SMPD3: variants seen among roughly 807,000 people sequenced by gnomAD.
SMPD3 encodes the protein sphingomyelin phosphodiesterase 3.
In SMPD3, 21 loss-of-function variants were observed where a neutral mutation model predicts 55.7. That is an observed-to-expected ratio of 0.38 (90% CI 0.27 to 0.54). SMPD3 has a LOEUF of 0.54. Ranked by LOEUF, SMPD3 falls within the 20% of genes least tolerant of loss-of-function variation. The pLI, the probability that SMPD3 is intolerant of heterozygous loss-of-function variation, is 0.80. For missense variants in SMPD3, 842 were observed against 899.6 expected (o/e 0.94, Z 0.82); for synonymous variants, 457 against 404.3 (o/e 1.13, Z -1.56).
chr16:68,415,471 G>A (rs533986735), intron 1 of SMPD3, among the ~76,000 whole-genome samples: 22 of 152,292 alleles, frequency 1.4e-4, no homozygotes, highest in Non-Finnish European at 2.9e-4. Flanking sequence ...CAGATGGTTT[G>A]TTTTCCTGGA....
chr16:68,445,116 G>GT (rs1329901269), intron 1 of SMPD3, among the ~76,000 whole-genome samples: 1 of 152,196 alleles, frequency 6.6e-6, no homozygotes, highest in East Asian at 1.9e-4. Flanking sequence ...CTGGAAAGCC[G>GT]TATTTGCAGC....
chr16:68,410,934 C>T (rs1452061362), intron 1 of SMPD3, among the ~76,000 whole-genome samples: 1 of 152,250 alleles, frequency 6.6e-6, no homozygotes, highest in African/African-American at 2.4e-5. Flanking sequence ...GGTCAGGAAT[C>T]ACTCAGACTT....
Position 68,361,166 on chromosome 16 carries a change from A to T in SMPD3, c.*40T>A. 2 of 1,579,222 alleles carry T rather than the reference A, an allele frequency of 1.3e-6. No individual in the cohort carries two copies. The highest frequency in any genetic ancestry group is 1.7e-6 in the Non-Finnish European group (2 of 1,152,818). On this transcript the variant is annotated 3_prime_UTR_variant, in exon 9 of 9. Coordinates refer to ENST00000219334, the MANE Select transcript of SMPD3 (RefSeq NM_018667.4). ...GGGACATGGCCCAGGGATGGGCTGC[A>T]GCTGCAAGGGCTGGCAGAGGCCCCG...
At position 68,363,510 on chromosome 16, in the gene SMPD3, G is replaced by A. The variant is rs763060796; in HGVS notation, c.1695C>T (p.Pro565=). 1.8e-5 allele frequency: 29 copies of A among 1,613,884 alleles called. No homozygotes were observed. Among genetic ancestry groups the A allele is most frequent in the Non-Finnish European group, 2.3e-5 (27 of 1,180,008 alleles). The change falls in exon 7 of 9, where the codon CCC becomes CCT. Residue 565 remains proline (P), a synonymous_variant. Transcript: ENST00000219334. ...GCAGTGCTTACTTCTGCAGGTTGTC[G>A]GGGGTGCACACATCCTCATCGTACA... is the stretch of plus-strand genomic sequence containing the variant. ...NGLYDEDVCT[P]DNLQKVLESE...
chr16:68,380,853 G>A (rs945856871), intron 2 of SMPD3, among the ~76,000 whole-genome samples: 2 of 152,232 alleles, frequency 1.3e-5, no homozygotes, highest in Non-Finnish European at 2.9e-5. Context: ...TGTGTCGGCT[G>A]CATTTCAAGT....
At chr16:68,367,234 T>G (rs2089509017) in intron 3 of SMPD3, 1 of 152,396 alleles carries the variant, frequency 6.6e-6, no homozygotes, top group East Asian at 1.9e-4. Flanking sequence ...TCCATGAGGA[T>G]CATCTCAGGC....
intron 2 of SMPD3, 144 bp downstream of exon 2, chr16:68,386,453 AT>A (rs2090054012): frequency 6.6e-6 from 1 of 152,150 alleles, no homozygotes; most frequent in Admixed American, 6.5e-5. Context: ...GTTTTCAAAC[AT>A]TTTAACAGGC....
At position 68,418,510 on chromosome 16, in the gene SMPD3, C is replaced by T. The variant is rs543239292; in HGVS notation, c.-269+29843G>A. 7.2e-5 allele frequency among the ~76,000 whole-genome samples: 11 copies of T among 152,212 alleles called. No homozygotes were observed. In the South Asian group the frequency reaches 2.3e-3, roughly 32 times the overall value. The stretch of plus-strand genomic sequence containing the variant: ...AAATTTTTTAAAGTAGAGAGCTTTC[C>T]TAGGGTGAGAGACTCACTTTCCTGA... On this transcript the variant is annotated intron_variant, in intron 1 of 8. Coordinates refer to ENST00000219334, the MANE Select transcript of SMPD3 (RefSeq NM_018667.4).
chr16:68,409,632 T>C (rs1019123712), intron 1 of SMPD3, among the ~76,000 whole-genome samples: 10 of 152,198 alleles, frequency 6.6e-5, no homozygotes, highest in East Asian at 1.9e-4. Context: ...TTCACTCTGT[T>C]CCCCAGGCTG....
At position 68,361,310 on chromosome 16, in the gene SMPD3, G is replaced by A; in HGVS notation, c.1867-3C>T. Reference sequence around the variant, plus strand: ...ATAAAACTGAATTCTTCCACCTCCTGGGGTGAGTGGGAGAGGGGAGAAACA... The same window carrying A: ...ATAAAACTGAATTCTTCCACCTCCTAGGGTGAGTGGGAGAGGGGAGAAACA... On this transcript the variant is annotated splice_polypyrimidine_tract_variant and splice_region_variant and intron_variant, in intron 8 of 8. Coordinates refer to ENST00000219334, the MANE Select transcript of SMPD3 (RefSeq NM_018667.4). 6.2e-7 allele frequency: 1 copy of A among 1,607,878 alleles called. No individual in the cohort carries two copies. Among genetic ancestry groups the A allele is most frequent in the Non-Finnish European group, 8.5e-7 (1 of 1,177,012 alleles).
Position 68,371,415 on chromosome 16 carries a change from G to A in SMPD3, c.767C>T (p.Pro256Leu), listed in dbSNP as rs1205485205. Residue 256 changes from proline to leucine, a missense_variant, in exon 3 of 9, where the codon CCT becomes CTT. Pro to Leu is a moderately conservative substitution (Grantham distance 98, BLOSUM62 -3). Around this residue, in one of 2 missense-constraint regions of SMPD3, gnomAD observed 649 missense variants for 643.6 expected, o/e 1.01. Transcript: ENST00000219334. The stretch of plus-strand genomic sequence containing the variant: ...CCCAGGCACAGGGTCGTCAGCTTCA[G>A]GTGGCCGGCCGCCCTCCTCGCCACC... Reference protein sequence around the residue: ...RIGGEEGGRPPEADDPVPGGQ... With the variant: ...RIGGEEGGRPLEADDPVPGGQ... The A allele has an allele frequency of 6.4e-7, 1 of 1,570,350 alleles. No individual in the cohort carries two copies. The highest frequency in any genetic ancestry group is 1.4e-5 in the African/African-American group (1 of 73,830).
intron 5 of SMPD3, chr16:68,364,416 C>T (rs1222904563): frequency 2.5e-5 from 7 of 281,292 alleles, no homozygotes; most frequent in Admixed American, 9.8e-5. Flanking sequence ...AGTGAAACAG[C>T]GATAGAATGG....
chr16:68,428,937 G>A (rs2090458713), intron 1 of SMPD3, among the ~76,000 whole-genome samples: 1 of 152,214 alleles, frequency 6.6e-6, no homozygotes, highest in Non-Finnish European at 1.5e-5. Context: ...TGGTGACTGT[G>A]GTCAGAGCAG....
intron 1 of SMPD3, among the ~76,000 whole-genome samples, chr16:68,444,384 A>G (rs1021262440): frequency 2.0e-4 from 30 of 152,218 alleles, no homozygotes; most frequent in African/African-American, 6.3e-4. Flanking sequence ...CATTTCCAGC[A>G]TGCATGCTGC....
intron 1 of SMPD3, among the ~76,000 whole-genome samples, chr16:68,434,458 T>A (rs1036620944): frequency 6.6e-6 from 1 of 152,244 alleles, no homozygotes; most frequent in East Asian, 1.9e-4. Flanking sequence ...TTGTCTGATA[T>A]AGCCACTCAC....
At chr16:68,363,993 TG>T in intron 5 of SMPD3, 127 bp from the exon 6 acceptor site, 1 of 853,820 alleles carries the variant, frequency 1.2e-6, no homozygotes. Flanking sequence ...CCACTGCCCC[TG>T]GGTGGGATCT....
intron 1 of SMPD3, among the ~76,000 whole-genome samples, chr16:68,416,043 C>T (rs955865618): frequency 7.9e-5 from 12 of 152,278 alleles, no homozygotes; most frequent in African/African-American, 2.2e-4. Flanking sequence ...ACAACATCTG[C>T]GCTGCAAGGG....
At position 68,447,395 on chromosome 16, in the gene SMPD3, G is replaced by C. The variant is rs890685162; in HGVS notation, c.-269+958C>G. Among the ~76,000 whole-genome samples the C allele has an allele frequency of 3.9e-5, 6 of 152,204 alleles. No individual in the cohort carries two copies. The highest frequency in any genetic ancestry group is 7.3e-5 in the Non-Finnish European group (5 of 68,030). ...CATCTGGGATTGGCCCCCAGCTGCG[G>C]TGCCAGAGGCTCGGTCCCCGGGGCG... On this transcript the variant is annotated intron_variant, in intron 1 of 8. Transcript: ENST00000219334. This position sits in a 1 kb window ranked among gnomAD's most constrained non-coding sequence, Gnocchi z 5.1.
chr16:68,430,867 C>A (rs1471313732), intron 1 of SMPD3, among the ~76,000 whole-genome samples: 1 of 152,202 alleles, frequency 6.6e-6, no homozygotes, highest in African/African-American at 2.4e-5. Context: ...TCGAGAGCAT[C>A]ATTTCCAGTG....
Sources: allele counts gnomAD v4.1 joint callset (sites outside exome capture counted in the v4.1 genomes callset), GRCh38; gene constraint gnomAD v4.1.1; regional missense constraint gnomAD v4.1.1; non-coding constraint Gnocchi (gnomAD v3.1); transcripts MANE v1.5; gene names NCBI Gene and HGNC (gene_info 2026-07-23, HGNC 2026-07-21).